The following QTMAN variants were observed in gnomAD, a reference collection of about 807,000 sequenced individuals.
The protein encoded by QTMAN is queuosine-tRNA mannosyltransferase.
chr2:144,311,047 T>C, the QTMAN span, among the ~76,000 whole-genome samples: 1 of 152,222 alleles, frequency 6.6e-6, no homozygotes, highest in Non-Finnish European at 1.5e-5. Context: ...CTGATTTACA[T>C]AAATCCATAC....
chr2:144,058,133 A>AACACACAC, the QTMAN span, among the ~76,000 whole-genome samples: 74 of 97,222 alleles, frequency 7.6e-4, no homozygotes, highest in South Asian at 1.2e-3. Flanking sequence ...CACCCCGCTA[A>AACACACAC]ACACACACAC....
the QTMAN span, among the ~76,000 whole-genome samples, chr2:144,316,314 G>T: frequency 6.6e-6 from 1 of 151,674 alleles, no homozygotes; most frequent in Non-Finnish European, 1.5e-5. Context: ...TTTTGTTACA[G>T]AGCTGCATAT....
the QTMAN span, chr2:144,230,386 C>T: frequency 6.6e-6 from 1 of 152,102 alleles, no homozygotes; most frequent in African/African-American, 2.4e-5. Context: ...CATTACCAGG[C>T]AACCACACTT....
the QTMAN span, among the ~76,000 whole-genome samples, chr2:144,160,414 G>A: frequency 6.6e-6 from 1 of 152,004 alleles, no homozygotes; most frequent in Non-Finnish European, 1.5e-5. Flanking sequence ...TCTAGTGTTG[G>A]TAATTACATC....
chr2:144,188,742 C>A, the QTMAN span, among the ~76,000 whole-genome samples: 1 of 144,274 alleles, frequency 6.9e-6, no homozygotes, highest in Non-Finnish European at 1.5e-5. Flanking sequence ...TTAAATCCCT[C>A]AAATAATGAG....
At chr2:144,033,126 C>A in the QTMAN span, among the ~76,000 whole-genome samples, 1 of 152,206 alleles carries the variant, frequency 6.6e-6, no homozygotes, top group Non-Finnish European at 1.5e-5. Flanking sequence ...ACACTTCTGA[C>A]ACCAAATGTG....
At chr2:144,150,171 T>C in the QTMAN span, among the ~76,000 whole-genome samples, 1 of 152,066 alleles carries the variant, frequency 6.6e-6, no homozygotes, top group African/African-American at 2.4e-5. Flanking sequence ...TTACCACTCA[T>C]ACACAATTTC....
At chr2:143,973,826 T>C in the QTMAN span, among the ~76,000 whole-genome samples, 19 of 152,000 alleles carry the variant, frequency 1.3e-4, 1 homozygote, top group South Asian at 3.7e-3. Flanking sequence ...TTGCCTAATA[T>C]TCAATTATTA....
At chr2:144,090,975 G>T in the QTMAN span, among the ~76,000 whole-genome samples, 23 of 151,910 alleles carry the variant, frequency 1.5e-4, no homozygotes, top group Non-Finnish European at 2.8e-4. Context: ...CATCATCAGT[G>T]TAGTATTGAC....
the QTMAN span, among the ~76,000 whole-genome samples, chr2:144,195,637 T>TACGTATGTGC: frequency 6.6e-6 from 1 of 152,152 alleles, no homozygotes; most frequent in Non-Finnish European, 1.5e-5. Flanking sequence ...TGTGTATGTG[T>TACGTATGTGC]ACGTATGTGC....
chr2:143,997,854 G>C, the QTMAN span, among the ~76,000 whole-genome samples: 1 of 151,942 alleles, frequency 6.6e-6, no homozygotes, highest in Non-Finnish European at 1.5e-5. Context: ...GCTACCTTAA[G>C]TGCCTTGATT....
the QTMAN span, among the ~76,000 whole-genome samples, chr2:144,214,015 T>C: frequency 6.6e-6 from 1 of 152,162 alleles, no homozygotes; most frequent in African/African-American, 2.4e-5. Flanking sequence ...CACTCACTTA[T>C]TTTAATGATT....
chr2:144,305,932 A>T, the QTMAN span, among the ~76,000 whole-genome samples: 1 of 152,240 alleles, frequency 6.6e-6, no homozygotes, highest in Admixed American at 6.5e-5. Context: ...CTCATTTATG[A>T]ATTCTAATAC....
the QTMAN span, among the ~76,000 whole-genome samples, chr2:144,055,658 G>A: frequency 6.6e-6 from 1 of 152,094 alleles, no homozygotes; most frequent in Non-Finnish European, 1.5e-5. Context: ...AGCTAGAGGG[G>A]GCAGGAGTCA....
chr2:144,161,711 T>TA, the QTMAN span, among the ~76,000 whole-genome samples: 1 of 152,148 alleles, frequency 6.6e-6, no homozygotes, highest in African/African-American at 2.4e-5. Context: ...AAGTAAGTAG[T>TA]AAAAAACAGT....
the QTMAN span, chr2:144,177,042 A>G: frequency 1.5e-6 from 1 of 664,424 alleles, no homozygotes; most frequent in South Asian, 1.6e-5. Flanking sequence ...CAGACACTTT[A>G]AAACAGCCAG....
the QTMAN span, among the ~76,000 whole-genome samples, chr2:144,177,506 G>A: frequency 2.3e-4 from 35 of 152,044 alleles, no homozygotes; most frequent in Non-Finnish European, 2.6e-4. Flanking sequence ...AAATGCATAC[G>A]AGGAGTTGGC....
At chr2:144,183,444 T>A in the QTMAN span, among the ~76,000 whole-genome samples, 3 of 152,260 alleles carry the variant, frequency 2.0e-5, no homozygotes, top group African/African-American at 7.2e-5. Flanking sequence ...GTAATACTTG[T>A]CCAACAGTTT....
chr2:144,325,995 G>T, the QTMAN span, among the ~76,000 whole-genome samples: 1 of 152,182 alleles, frequency 6.6e-6, no homozygotes, highest in Non-Finnish European at 1.5e-5. Context: ...AACTGGGATT[G>T]TATAGAGAAC....
Sources: allele counts gnomAD v4.1 joint callset (sites outside exome capture counted in the v4.1 genomes callset), GRCh38; gene constraint gnomAD v4.1.1; transcripts MANE v1.5; gene names NCBI Gene and HGNC (gene_info 2026-07-23, HGNC 2026-07-21).